The following ALG14 variants were observed in gnomAD, a reference collection of about 807,000 sequenced individuals.
ALG14 encodes the protein UDP-N-acetylglucosamine transferase subunit ALG14.
ALG14 carries 17 observed loss-of-function variants against 22.8 expected under a neutral mutation model. The ratio of observed to expected loss-of-function variants is 0.75; its 90% CI spans 0.51 to 1.12. The LOEUF (loss-of-function observed/expected upper bound fraction) is 1.12, where lower values mean the gene tolerates loss of function less well. ALG14 is among the 50% of genes most tolerant of loss of function. The pLI, the probability that ALG14 is intolerant of heterozygous loss-of-function variation, is 0.00. For missense variants in ALG14, 288 were observed against 271.8 expected, an observed-to-expected ratio of 1.06 and a Z score of -0.42; for synonymous variants, 89 against 103.7, an observed-to-expected ratio of 0.86 and a Z score of 0.86.
At chr1:95,015,543 C>T (rs1282966836) in intron 3 of ALG14, among the ~76,000 whole-genome samples, 1 of 152,170 alleles carries the variant, frequency 6.6e-6, no homozygotes, top group Non-Finnish European at 1.5e-5. Context: ...GAAGAAGCCT[C>T]AAGAAAATGA....
intron 3 of ALG14, among the ~76,000 whole-genome samples, chr1:94,992,001 C>T (rs935959373): frequency 2.6e-5 from 4 of 151,552 alleles, no homozygotes; most frequent in East Asian, 2.0e-4. Context: ...GCCACTAACA[C>T]GCATGGAGCT....
chr1:95,048,211 A>G (rs1045609824), intron 2 of ALG14, among the ~76,000 whole-genome samples: 4 of 152,226 alleles, frequency 2.6e-5, no homozygotes, highest in African/African-American at 7.2e-5. Context: ...CTACTTACAG[A>G]GTAGTGGGAA....
chr1:95,058,284 G>GAAA (rs56748968), intron 2 of ALG14, among the ~76,000 whole-genome samples: 11 of 20,504 alleles, frequency 5.4e-4, no homozygotes, highest in East Asian at 5.3e-3. Flanking sequence ...GACTCCATCT[G>GAAA]AAAAAAAAAA....
At chr1:94,997,051 A>G (rs1438647858) in intron 3 of ALG14, among the ~76,000 whole-genome samples, 3 of 152,230 alleles carry the variant, frequency 2.0e-5, no homozygotes, top group African/African-American at 7.2e-5. Context: ...GAAGACACCC[A>G]AAAGTGGAAA....
chr1:95,061,232 A>G (rs1675135633), intron 2 of ALG14, among the ~76,000 whole-genome samples: 1 of 152,234 alleles, frequency 6.6e-6, no homozygotes, highest in Non-Finnish European at 1.5e-5. Context: ...TATGGGTGGC[A>G]AAAACCCAGT....
At chr1:94,984,508 G>A (rs1450075619) in intron 3 of ALG14, among the ~76,000 whole-genome samples, 1 of 152,142 alleles carries the variant, frequency 6.6e-6, no homozygotes, top group Non-Finnish European at 1.5e-5. Flanking sequence ...ACAGAGCTTT[G>A]GGAAAAGAGT....
At chr1:95,057,173 T>TAC (rs1276450495) in intron 2 of ALG14, among the ~76,000 whole-genome samples, 1 of 150,660 alleles carries the variant, frequency 6.6e-6, no homozygotes, top group Non-Finnish European at 1.5e-5. Context: ...TACATACACA[T>TAC]ACACACACAC....
intron 3 of ALG14, among the ~76,000 whole-genome samples, chr1:94,985,539 T>A (rs1193008824): frequency 6.6e-6 from 1 of 152,216 alleles, no homozygotes; most frequent in Admixed American, 6.5e-5. Context: ...AAATAAAAAC[T>A]ACAGCTAAAA....
intron 1 of ALG14, among the ~76,000 whole-genome samples, chr1:95,069,276 G>T (rs1219048557): frequency 6.6e-6 from 1 of 152,094 alleles, no homozygotes; most frequent in African/African-American, 2.4e-5. Flanking sequence ...AGGATTTAGA[G>T]GCAAGCCTGG....
rs1675618226 is a variant in ALG14 at position 95,072,850 on chromosome 1, A to C, written c.49T>G (p.Phe17Val). The change falls in exon 1 of 4, where the codon TTC (phenylalanine) becomes GTC (valine). Residue 17 changes from phenylalanine to valine, a missense_variant. Transcript: ENST00000370205. Reference sequence around the variant, plus strand: ...ACTACCCATATTCGCAGGATTAGGAAAACCGCCACAGCTCCTGCGGCCGCA... The same window carrying C: ...ACTACCCATATTCGCAGGATTAGGACAACCGCCACAGCTCCTGCGGCCGCA... ...LAAAAGAVAV[F>V]LILRIWVVLR... 3 of 1,614,058 alleles carry C rather than the reference A, an allele frequency of 1.9e-6. No individual in the cohort carries two copies. Among genetic ancestry groups the C allele is most frequent in the Non-Finnish European group, 2.5e-6 (3 of 1,180,036 alleles).
At chr1:95,038,207 G>A (rs1259078753) in intron 2 of ALG14, among the ~76,000 whole-genome samples, 1 of 152,002 alleles carries the variant, frequency 6.6e-6, no homozygotes, top group Non-Finnish European at 1.5e-5. Flanking sequence ...GGCCACGCGC[G>A]GTGGCTTACG....
intron 3 of ALG14, among the ~76,000 whole-genome samples, chr1:95,005,908 A>C (rs901780764): frequency 7.2e-5 from 11 of 152,232 alleles, no homozygotes; most frequent in African/African-American, 2.7e-4. Context: ...TACGTAGTGA[A>C]AATCTGTTTA....
At position 94,996,658 on chromosome 1, in the gene ALG14, C is replaced by T. The variant is rs147370897; in HGVS notation, c.421-13352G>A. On this transcript the variant is annotated intron_variant, in intron 3 of 3. Transcript: ENST00000370205. ...ATCCAAAGGACTAGAAGTTAGTTCCCTAATAATCTGTTAACACTTTATTTT... is the reference window on the plus strand; with the variant it reads ...ATCCAAAGGACTAGAAGTTAGTTCCTTAATAATCTGTTAACACTTTATTTT... Among the ~76,000 whole-genome samples the T allele has an allele frequency of 2.7e-3, 407 of 152,236 alleles. 6 individuals carry two copies. Among genetic ancestry groups the T allele is most frequent in the Admixed American group, 0.021 (319 of 15,276 alleles).
chr1:95,059,707 A>C (rs1027359056), intron 2 of ALG14, among the ~76,000 whole-genome samples: 1 of 152,026 alleles, frequency 6.6e-6, no homozygotes, highest in African/African-American at 2.4e-5. Flanking sequence ...GTTCTATTCT[A>C]TATGATCCAA....
rs1201134372 is a variant in ALG14, at chr1:94,982,544, T to C, written c.*532A>G. On this transcript the variant is annotated 3_prime_UTR_variant, in exon 4 of 4. Transcript: ENST00000370205. ...TTCTGGAGGCTTGTGGAGTGCAAAT[T>C]GTCATGAAGCCAATTTAATATAACT... 1 of 153,266 alleles carries C rather than the reference T, an allele frequency of 6.5e-6. No individual in the cohort carries two copies. The highest frequency in any genetic ancestry group is 1.5e-5 in the Non-Finnish European group (1 of 68,964). The allele number at this position is 153,266 out of a possible 1,614,324, so 9.5% of individuals were successfully genotyped here. A position where few individuals can be genotyped will look rare whatever the true frequency, so the allele number is the denominator to read the frequency against.
rs771908149 is a variant in ALG14 at position 94,983,127 on chromosome 1, C to T, written c.600G>A (p.Pro200=). 1.9e-5 allele frequency: 31 copies of T among 1,613,940 alleles called. No individual in the cohort carries two copies. Among genetic ancestry groups the T allele is most frequent in the Middle Eastern group, 1.6e-4 (1 of 6,084 alleles). Residue 200 remains proline, a synonymous_variant, in exon 4 of 4, where the codon CCG becomes CCA. Transcript: ENST00000370205. ...ATTTGGGATACTTTTCTTTCAGAGCCGGCCACTGAACAATGAAGTAATCTG... is the reference window on the plus strand; with the variant it reads ...ATTTGGGATACTTTTCTTTCAGAGCTGGCCACTGAACAATGAAGTAATCTG... ...HLSDYFIVQW[P]ALKEKYPKSV... is the part of the protein sequence containing the mutation.
Position 94,977,980 on chromosome 1 carries a change from G to A in ALG14, c.*5096C>T, listed in dbSNP as rs901435916. 3 of 151,518 alleles carry A rather than the reference G, an allele frequency of 2.0e-5. No individual in the cohort carries two copies. Among genetic ancestry groups the A allele is most frequent in the Non-Finnish European group, 2.9e-5 (2 of 67,890 alleles). The allele number at this position is 151,518 out of a possible 1,614,324, so 9.4% of individuals were successfully genotyped here. The stretch of plus-strand genomic sequence containing the variant: ...TTCAATAATTTTTTAGTATAATGAG[G>A]TCCTGAGATCAAAACGTTTGTGAAG... On this transcript the variant is annotated 3_prime_UTR_variant, in exon 4 of 4. Transcript: ENST00000370205.
Position 95,069,084 on chromosome 1 carries a change from T to A in ALG14, c.136+3679A>T, listed in dbSNP as rs909845958. ...CAAGTGCTATCACCTTCTTTTCACA[T>A]CCTTATCTGAAATATTCAAAAGGCT... is the stretch of plus-strand genomic sequence containing the variant. On this transcript the variant is annotated intron_variant, in intron 1 of 3. Transcript: ENST00000370205. Among the ~76,000 whole-genome samples the A allele has an allele frequency of 2.6e-5, 4 of 152,204 alleles. 1 individual carries two copies. The highest frequency in any genetic ancestry group is 4.8e-5 in the African/African-American group (2 of 41,444).
intron 2 of ALG14, among the ~76,000 whole-genome samples, chr1:95,040,580 G>A (rs909446406): frequency 1.3e-5 from 2 of 152,168 alleles, no homozygotes; most frequent in Non-Finnish European, 2.9e-5. Context: ...AAGGCTGGAA[G>A]GATCTAACAG....
Sources: gnomAD v4.1 joint callset for allele counts (sites outside exome capture counted in the v4.1 genomes callset) on GRCh38, gnomAD v4.1.1 for gene constraint, MANE v1.5 for transcripts, NCBI Gene and HGNC (gene_info 2026-07-23, HGNC 2026-07-21) for gene names.